Variants in ETV6 observed in about 807,000 individuals in gnomAD.
The protein encoded by ETV6 is transcription factor ETV6.
In ETV6, 16 loss-of-function variants were observed where a neutral mutation model predicts 51.1. The ratio of observed to expected loss-of-function variants is 0.31; its 90% CI spans 0.21 to 0.48. The LOEUF (loss-of-function observed/expected upper bound fraction) is 0.48. Among genes scored for constraint, ETV6 ranks in the 20% least tolerant of loss-of-function variants. The pLI, the probability that ETV6 is intolerant of heterozygous loss-of-function variation, is 0.99. For synonymous variants in ETV6, 240 were observed against 224.1 expected, an observed-to-expected ratio of 1.07 and a Z score of -0.64; for missense variants, 458 against 594.8, an observed-to-expected ratio of 0.77 and a Z score of 2.39.
intron 1 of ETV6, among the ~76,000 whole-genome samples, chr12:11,729,846 A>G (rs1358135124): frequency 6.6e-6 from 1 of 152,076 alleles, no homozygotes; most frequent in Admixed American, 6.5e-5. Flanking sequence ...AAAAATAACT[A>G]TTTTCCCCAT....
rs1317804723 is a variant in ETV6 at position 11,734,364 on chromosome 12, C to T, written c.34-18086C>T. Among the ~76,000 whole-genome samples the T allele has an allele frequency of 4.6e-5, 7 of 151,800 alleles. 1 individual carries two copies. The highest frequency in any genetic ancestry group is 5.9e-5 in the Non-Finnish European group (4 of 67,950). ...GTTCATGCCTGTAATCCCCACACTT[C>T]GGGAGGCCAAGATGGGTGGATTGCT... On this transcript the variant is annotated intron_variant, in intron 1 of 7. Coordinates refer to ENST00000396373, the MANE Select transcript of ETV6 (RefSeq NM_001987.5).
intron 2 of ETV6, among the ~76,000 whole-genome samples, chr12:11,779,809 C>G (rs1945384992): frequency 6.6e-6 from 1 of 152,176 alleles, no homozygotes; most frequent in Non-Finnish European, 1.5e-5. Context: ...TGTGACTGTT[C>G]AGTGCATGAT....
intron 3 of ETV6, among the ~76,000 whole-genome samples, chr12:11,844,262 CACTT>C: frequency 6.6e-6 from 1 of 152,260 alleles, no homozygotes; most frequent in Non-Finnish European, 1.5e-5. Flanking sequence ...ATGTTACACT[CACTT>C]GCTATCAATG....
At chr12:11,745,558 C>G (rs895396265) in intron 1 of ETV6, among the ~76,000 whole-genome samples, 1 of 152,200 alleles carries the variant, frequency 6.6e-6, no homozygotes, top group Non-Finnish European at 1.5e-5. Flanking sequence ...ATCCATTCCC[C>G]TCTTGGGAAT....
chr12:11,770,546 A>C, intron 2 of ETV6, among the ~76,000 whole-genome samples: 1 of 152,122 alleles, frequency 6.6e-6, no homozygotes, highest in East Asian at 1.9e-4. Flanking sequence ...ATATCTAGCC[A>C]CTGTCAACCG....
At chr12:11,885,622 G>A (rs1947171898) in intron 6 of ETV6, among the ~76,000 whole-genome samples, 1 of 152,216 alleles carries the variant, frequency 6.6e-6, no homozygotes, top group East Asian at 1.9e-4. Flanking sequence ...GCAGAGAGCG[G>A]TCTTGGGAAA....
At chr12:11,835,216 C>T (rs1946299096) in intron 2 of ETV6, among the ~76,000 whole-genome samples, 1 of 152,210 alleles carries the variant, frequency 6.6e-6, no homozygotes, top group Non-Finnish European at 1.5e-5. Context: ...AGTTCACTTT[C>T]TCTGTACAAA....
intron 1 of ETV6, among the ~76,000 whole-genome samples, chr12:11,707,595 C>A (rs1019931374): frequency 2.4e-4 from 36 of 152,124 alleles, no homozygotes; most frequent in African/African-American, 8.7e-4. Context: ...GATGATTTTC[C>A]TTTTAGTGTA....
chr12:11,653,906 A>G (rs1863953489), intron 1 of ETV6, among the ~76,000 whole-genome samples: 3 of 151,970 alleles, frequency 2.0e-5, no homozygotes, highest in East Asian at 3.9e-4. Flanking sequence ...TCTACCTCCT[A>G]GGTTCAAGCA....
At position 11,891,600 on chromosome 12, in the gene ETV6, GAA is replaced by G. The variant is rs372555234; in HGVS notation, c.*564_*565del. 1.5e-4 allele frequency: 67 copies of G among 444,710 alleles called. No homozygotes were observed. Among genetic ancestry groups the G allele is most frequent in the Admixed American group, 3.2e-4 (12 of 37,058 alleles). 27.5% of individuals were successfully genotyped at this position (444,710 alleles called of 1,614,324 possible). ...TTCCTGTTACTGTTGGGTCTTGGCT[GAA>G]AAAAAAAAATGCTTTTAAAAAAGAT... On this transcript the variant is annotated 3_prime_UTR_variant, in exon 8 of 8. Transcript: ENST00000396373.
At position 11,735,228 on chromosome 12, in the gene ETV6, C is replaced by T. The variant is rs543369860; in HGVS notation, c.34-17222C>T. ...TACGTGTCTGTAGTAGACCCACCAA[C>T]ATTCACATGGCCACTTCTGCTGAAA... On this transcript the variant is annotated intron_variant, in intron 1 of 7. Coordinates refer to ENST00000396373, the MANE Select transcript of ETV6 (RefSeq NM_001987.5). 8.9e-4 allele frequency among the ~76,000 whole-genome samples: 134 copies of T among 151,296 alleles called. 2 individuals carry two copies. Among genetic ancestry groups the T allele is most frequent in the African/African-American group, 3.1e-3 (129 of 41,288 alleles).
At chr12:11,700,434 C>T (rs1003693890) in intron 1 of ETV6, among the ~76,000 whole-genome samples, 1 of 152,146 alleles carries the variant, frequency 6.6e-6, no homozygotes, top group East Asian at 1.9e-4. Context: ...CCTGTATACC[C>T]ATTCTTTAGC....
intron 1 of ETV6, among the ~76,000 whole-genome samples, chr12:11,658,443 C>G (rs888635351): frequency 5.3e-5 from 8 of 152,200 alleles, no homozygotes; most frequent in African/African-American, 1.7e-4. Context: ...CCATGGTGGC[C>G]AGGGTGGACT....
chr12:11,705,000 A>G (rs1865046638), intron 1 of ETV6, among the ~76,000 whole-genome samples: 1 of 152,214 alleles, frequency 6.6e-6, no homozygotes. Flanking sequence ...TTAAAAGCTC[A>G]AATACAGAGA....
intron 1 of ETV6, among the ~76,000 whole-genome samples, chr12:11,732,121 A>T (rs954557408): frequency 1.3e-5 from 2 of 152,236 alleles, no homozygotes; most frequent in South Asian, 4.1e-4. Context: ...CAGTGTGTGC[A>T]TGGCTCAGTG....
intron 1 of ETV6, among the ~76,000 whole-genome samples, chr12:11,660,376 G>A (rs1489057606): frequency 6.6e-6 from 1 of 152,140 alleles, no homozygotes; most frequent in South Asian, 2.1e-4. Flanking sequence ...AGGCCGAGGC[G>A]GGTGAATCAC....
chr12:11,731,582 G>A (rs761306801), intron 1 of ETV6, among the ~76,000 whole-genome samples: 1 of 152,018 alleles, frequency 6.6e-6, no homozygotes, highest in Non-Finnish European at 1.5e-5. Flanking sequence ...TTAAGGAAAA[G>A]CGAATTTCAG....
At chr12:11,787,929 A>G (rs539080017) in intron 2 of ETV6, among the ~76,000 whole-genome samples, 84 of 152,348 alleles carry the variant, frequency 5.5e-4, no homozygotes, top group African/African-American at 2.0e-3. Flanking sequence ...CCAGTAAGCA[A>G]TCTGTTTTCA....
chr12:11,894,362 A>T lies in ETV6; in HGVS notation c.*3316A>T, dbSNP rs983748376. On this transcript the variant is annotated 3_prime_UTR_variant, in exon 8 of 8. Coordinates refer to ENST00000396373, the MANE Select transcript of ETV6 (RefSeq NM_001987.5). The stretch of plus-strand genomic sequence containing the variant: ...CTAGCCAGGCAGTCTCCTCTCTATC[A>T]GAAGAAAGCACTGGTAATTGGCTAG... The T allele has an allele frequency of 8.6e-6, 2 of 233,002 alleles. No homozygotes were observed. Among genetic ancestry groups the T allele is most frequent in the Non-Finnish European group, 1.7e-5 (2 of 117,976 alleles). 14.4% of individuals were successfully genotyped at this position (233,002 alleles called of 1,614,324 possible).
Sources: gnomAD v4.1 joint callset for allele counts (sites outside exome capture counted in the v4.1 genomes callset) on GRCh38, gnomAD v4.1.1 for gene constraint, MANE v1.5 for transcripts, NCBI Gene and HGNC (gene_info 2026-07-23, HGNC 2026-07-21) for gene names.